The following PDE1C variants were observed in gnomAD, a reference collection of about 807,000 sequenced individuals.
PDE1C encodes phosphodiesterase 1C, also known as dual specificity calcium/calmodulin-dependent 3',5'-cyclic nucleotide phosphodiesterase 1C.
In PDE1C, 62 loss-of-function variants were observed where a neutral mutation model predicts 93.1. The observed-to-expected ratio is 0.67, with a 90% CI of 0.54 to 0.82. PDE1C has a LOEUF of 0.82. Ranked by LOEUF, PDE1C falls within the 40% of genes least tolerant of loss-of-function variation. PDE1C has a pLI of 0.00. For synonymous variants in PDE1C, 325 were observed against 310.1 expected (o/e 1.05, Z -0.50); for missense variants, 742 against 884.6 (o/e 0.84, Z 2.04).
intron 11 of PDE1C, among the ~76,000 whole-genome samples, chr7:31,835,554 G>GCGTGCA (rs1453472330): frequency 2.6e-5 from 4 of 151,222 alleles, no homozygotes; most frequent in Non-Finnish European, 4.4e-5. Flanking sequence ...GTGTGTGTGT[G>GCGTGCA]TGCGTGCATG....
At chr7:32,234,933 T>C (rs183077037) in intron 1 of PDE1C, among the ~76,000 whole-genome samples, 29 of 152,164 alleles carry the variant, frequency 1.9e-4, no homozygotes, top group Admixed American at 1.8e-3. Context: ...ATGCTTGGAA[T>C]GCAAGGATGG....
the PDE1C span, among the ~76,000 whole-genome samples, chr7:31,655,599 C>T: frequency 2.2e-4 from 33 of 152,260 alleles, no homozygotes; most frequent in African/African-American, 7.2e-4. Context: ...AAATAAAAGT[C>T]CAGGCCCTGG....
At chr7:32,140,744 G>A (rs1009907591) in intron 3 of PDE1C, among the ~76,000 whole-genome samples, 1 of 152,186 alleles carries the variant, frequency 6.6e-6, no homozygotes, top group Non-Finnish European at 1.5e-5. Flanking sequence ...AGCCAGCAGG[G>A]TGCCTCAGCA....
intron 3 of PDE1C, among the ~76,000 whole-genome samples, chr7:32,156,740 T>A (rs1304518277): frequency 2.0e-5 from 3 of 152,114 alleles, no homozygotes; most frequent in Non-Finnish European, 4.4e-5. Flanking sequence ...AGAAAAGAAG[T>A]GATAGGGTTA....
chr7:32,100,113 A>T (rs1797972747), intron 3 of PDE1C, among the ~76,000 whole-genome samples: 1 of 152,216 alleles, frequency 6.6e-6, no homozygotes, highest in Non-Finnish European at 1.5e-5. Context: ...TCCCATGCCC[A>T]GTGTCTAGCA....
chr7:32,087,847 G>A (rs5010684), intron 3 of PDE1C, among the ~76,000 whole-genome samples: 50,468 of 146,484 alleles, frequency 0.34, 9,371 homozygotes, highest in Non-Finnish European at 0.42. Flanking sequence ...TCTAGGGACT[G>A]TTGTGGGGTG....
chr7:32,203,626 T>G (rs1250575805), intron 2 of PDE1C, among the ~76,000 whole-genome samples: 1 of 152,196 alleles, frequency 6.6e-6, no homozygotes, highest in Non-Finnish European at 1.5e-5. Flanking sequence ...TTCTTATTGC[T>G]TTTGATACCG....
intron 2 of PDE1C, among the ~76,000 whole-genome samples, chr7:31,998,237 T>C (rs560242153): frequency 1.4e-4 from 22 of 152,212 alleles, no homozygotes; most frequent in Non-Finnish European, 2.1e-4. Context: ...GCCAGGATGG[T>C]CTCGATCTCC....
In PDE1C at chr7:31,809,056, G is replaced by A. The variant is rs141060048; in HGVS notation, c.1866C>T (p.Ile622=). 138 of 1,590,000 alleles carry A rather than the reference G, an allele frequency of 8.7e-5. No homozygotes were observed. The African/African-American group carries it at 1.1e-3, about 12-fold the overall frequency. ...NKTDKKDHSN[I]GNDSKKTDGT... The stretch of plus-strand genomic sequence containing the variant: ...CATCTGTTTTCTTTGAATCATTTCC[G>A]ATGTTAGAGTGATCCTTCTTGTCTG... The change falls in exon 16 of 18, where the codon ATC becomes ATT. Residue 622 remains isoleucine (I), a synonymous_variant. Coordinates refer to ENST00000396191, the MANE Select transcript of PDE1C (RefSeq NM_001191057.4).
At chr7:31,744,701 G>C in the PDE1C span, among the ~76,000 whole-genome samples, 1 of 152,114 alleles carries the variant, frequency 6.6e-6, no homozygotes, top group Non-Finnish European at 1.5e-5. Context: ...TTTTAAGATG[G>C]GAGGCAGTTC....
At chr7:32,357,587 G>A (rs564923310) in intron 1 of PDE1C, among the ~76,000 whole-genome samples, 9 of 152,246 alleles carry the variant, frequency 5.9e-5, no homozygotes, top group South Asian at 2.1e-4. Context: ...AGAATTAGGC[G>A]GGCTAAACCG....
At position 32,018,964 on chromosome 7, in the gene PDE1C, C is replaced by A. The variant is rs185948028; in HGVS notation, c.128+32590G>T. Among the ~76,000 whole-genome samples the A allele has an allele frequency of 7.6e-4, 116 of 151,930 alleles. 2 individuals are homozygous for A. In the Middle Eastern group the frequency reaches 0.031, roughly 40 times the overall value. ...CAGCTTGAAAAGATCTCCTACTGTA[C>A]CATGGAGGATACAGTCATGTTGCTA... On this transcript the variant is annotated intron_variant, in intron 2 of 17. Coordinates refer to ENST00000396191, the MANE Select transcript of PDE1C (RefSeq NM_001191057.4).
intron 1 of PDE1C, among the ~76,000 whole-genome samples, chr7:32,391,580 A>ACGACTACATG (rs1467401237): frequency 1.3e-5 from 2 of 152,216 alleles, no homozygotes; most frequent in Admixed American, 1.3e-4. Context: ...TCTAAGGCAG[A>ACGACTACATG]CTACATGCTA....
chr7:32,391,972 A>C (rs1471080797), intron 1 of PDE1C, among the ~76,000 whole-genome samples: 1 of 152,058 alleles, frequency 6.6e-6, no homozygotes, highest in East Asian at 1.9e-4. Flanking sequence ...GGAAATAATG[A>C]AGATTAGAGC....
At chr7:31,873,159 T>A (rs1215449460) in intron 6 of PDE1C, 133 bp downstream of exon 6, 2 of 611,760 alleles carry the variant, frequency 3.3e-6, no homozygotes, top group Non-Finnish European at 5.8e-6. Flanking sequence ...GCAGTGGCTA[T>A]CCGAAGGATG....
At chr7:31,875,292 G>C (rs576253783) in intron 5 of PDE1C, among the ~76,000 whole-genome samples, 36 of 152,272 alleles carry the variant, frequency 2.4e-4, no homozygotes, top group Admixed American at 1.2e-3. Context: ...ATGATAAAAA[G>C]CCAAGATTTA....
chr7:31,711,293 A>G, the PDE1C span, among the ~76,000 whole-genome samples: 1 of 152,240 alleles, frequency 6.6e-6, no homozygotes, highest in African/African-American at 2.4e-5. Context: ...ATTTAAAAGT[A>G]CTACTTAAAT....
At chr7:32,205,008 G>C (rs1805320452) in intron 2 of PDE1C, among the ~76,000 whole-genome samples, 1 of 152,206 alleles carries the variant, frequency 6.6e-6, no homozygotes, top group Admixed American at 6.5e-5. Context: ...AAAGAAAAAA[G>C]GGAAGAAGAG....
At chr7:31,965,869 G>A (rs1350757832) in intron 2 of PDE1C, among the ~76,000 whole-genome samples, 1 of 152,154 alleles carries the variant, frequency 6.6e-6, no homozygotes, top group African/African-American at 2.4e-5. Context: ...AGCTTCATAA[G>A]TGAAGGAGAA....
Sources: allele counts gnomAD v4.1 joint callset (sites outside exome capture counted in the v4.1 genomes callset), GRCh38; gene constraint gnomAD v4.1.1; transcripts MANE v1.5; gene names NCBI Gene and HGNC (gene_info 2026-07-23, HGNC 2026-07-21).